The following TP63 variants were observed in gnomAD, a reference collection of about 807,000 sequenced individuals.
TP63 encodes the protein tumor protein p63.
TP63 carries 17 observed loss-of-function variants against 82.8 expected under a neutral mutation model. The ratio of observed to expected loss-of-function variants is 0.21; its 90% CI spans 0.14 to 0.31. TP63 has a LOEUF of 0.31. Ranked by LOEUF, TP63 falls within the 10% of genes least tolerant of loss-of-function variation. TP63 has a pLI of 1.00. For synonymous variants in TP63, 330 were observed against 321.7 expected (o/e 1.03, Z -0.28); for missense variants, 648 against 895.3 (o/e 0.72, Z 3.52).
rs905674336 is a variant in TP63 at position 189,791,017 on chromosome 3, G to A, written c.325-17255G>A. Among the ~76,000 whole-genome samples the A allele has an allele frequency of 3.3e-5, 5 of 152,112 alleles. No individual in the cohort carries two copies. The South Asian group carries it at 1.0e-3, about 32-fold the overall frequency. ...GCCTATTTTTCTTTAAAACATTCAA[G>A]CAGGCTTGCTTGTCCTCAGTAGAGA... On this transcript the variant is annotated intron_variant, in intron 3 of 13. Coordinates refer to ENST00000264731, the MANE Select transcript of TP63 (RefSeq NM_003722.5).
chr3:189,734,166 C>CCCTCCCTT (rs1560143814), intron 1 of TP63, among the ~76,000 whole-genome samples: 1 of 117,860 alleles, frequency 8.5e-6, no homozygotes, highest in African/African-American at 3.3e-5. Context: ...CTCCCTCCCT[C>CCCTCCCTT]CCTTCTTTTT....
Position 189,894,998 on chromosome 3 carries a change from T to C in TP63, c.*496T>C, listed in dbSNP as rs1025987436. On this transcript the variant is annotated 3_prime_UTR_variant, in exon 14 of 14. Transcript: ENST00000264731. ...ATACTCCTTCCCTTAAGGGGTATCA[T>C]GTATGGTGATAGGTATCTAGAGCTT... 2 of 220,776 alleles carry C rather than the reference T, an allele frequency of 9.1e-6. No individual in the cohort carries two copies. The highest frequency in any genetic ancestry group is 1.8e-5 in the Non-Finnish European group (2 of 109,634). 13.7% of individuals were successfully genotyped at this position (220,776 alleles called of 1,614,324 possible). A position where few individuals can be genotyped will look rare whatever the true frequency, so the allele number is the denominator to read the frequency against.
the TP63 span, among the ~76,000 whole-genome samples, chr3:189,597,654 G>GGAGTTGTTCGTTCC: frequency 6.6e-6 from 1 of 152,204 alleles, no homozygotes; most frequent in Non-Finnish European, 1.5e-5. Flanking sequence ...GCCTGGTGCG[G>GGAGTTGTTCGTTCC]TGGCTCATGC....
chr3:189,665,992 G>A (rs553682611), intron 1 of TP63, among the ~76,000 whole-genome samples: 27 of 151,782 alleles, frequency 1.8e-4, no homozygotes, highest in Non-Finnish European at 3.8e-4. Context: ...GTATAATAAT[G>A]GGTACTGATG....
At chr3:189,693,412 G>T (rs1717100845) in intron 1 of TP63, among the ~76,000 whole-genome samples, 4 of 152,170 alleles carry the variant, frequency 2.6e-5, no homozygotes, top group South Asian at 4.1e-4. Context: ...CAAGGGAGAA[G>T]AGAACAAGGT....
intron 3 of TP63, among the ~76,000 whole-genome samples, chr3:189,740,082 A>T (rs1203628754): frequency 6.6e-6 from 1 of 152,200 alleles, no homozygotes; most frequent in Non-Finnish European, 1.5e-5. Flanking sequence ...ATAACTCTGC[A>T]GATACATAGA....
chr3:189,611,623 C>G, the TP63 span, among the ~76,000 whole-genome samples: 2 of 151,958 alleles, frequency 1.3e-5, no homozygotes, highest in African/African-American at 4.8e-5. Context: ...TATTTGGGCT[C>G]TTGTTTGAAT....
At chr3:189,741,216 A>C (rs372589951) in intron 3 of TP63, among the ~76,000 whole-genome samples, 1 of 135,894 alleles carries the variant, frequency 7.4e-6, no homozygotes, top group Non-Finnish European at 1.6e-5. Context: ...AAAAAAAAAA[A>C]ACCCTGAGAT....
intron 10 of TP63, among the ~76,000 whole-genome samples, chr3:189,874,641 G>A (rs1361550345): frequency 6.6e-6 from 1 of 152,098 alleles, no homozygotes; most frequent in Non-Finnish European, 1.5e-5. Context: ...GTATTCTGAA[G>A]GAGAATTAGA....
At chr3:189,695,791 A>G (rs182668496) in intron 1 of TP63, among the ~76,000 whole-genome samples, 10 of 152,334 alleles carry the variant, frequency 6.6e-5, no homozygotes, top group Admixed American at 6.5e-4. Flanking sequence ...ATCACAGTGT[A>G]CATATATAGT....
At chr3:189,693,877 G>A (rs1185576127) in intron 1 of TP63, among the ~76,000 whole-genome samples, 3 of 152,156 alleles carry the variant, frequency 2.0e-5, no homozygotes, top group Non-Finnish European at 4.4e-5. Context: ...CGTTGTGAAG[G>A]TTCAGTGAGT....
chr3:189,748,697 A>G (rs1168171397), intron 3 of TP63, among the ~76,000 whole-genome samples: 4 of 151,956 alleles, frequency 2.6e-5, no homozygotes, highest in Non-Finnish European at 5.9e-5. Context: ...TAAAAATCAT[A>G]TGGAATAAAA....
intron 1 of TP63, 64 bp from the exon 2 acceptor site, chr3:189,737,676 A>G: frequency 6.4e-7 from 1 of 1,563,088 alleles, no homozygotes; most frequent in Non-Finnish European, 8.8e-7. Flanking sequence ...GTATGCTTTA[A>G]TTTAAATATT....
At chr3:189,754,307 A>G (rs1162718262) in intron 3 of TP63, among the ~76,000 whole-genome samples, 2 of 152,204 alleles carry the variant, frequency 1.3e-5, no homozygotes, top group African/African-American at 2.4e-5. Flanking sequence ...ATCTGCATGC[A>G]TGTGCATGTA....
chr3:189,773,221 A>G (rs1333049023), intron 3 of TP63, among the ~76,000 whole-genome samples: 2 of 152,352 alleles, frequency 1.3e-5, no homozygotes, highest in Non-Finnish European at 2.9e-5. Context: ...CAAGTAAGGC[A>G]TTTACTGTAT....
At chr3:189,652,688 A>G in intron 1 of TP63, among the ~76,000 whole-genome samples, 1 of 146,868 alleles carries the variant, frequency 6.8e-6, no homozygotes. Flanking sequence ...CTCAAATGTC[A>G]TCTTGAATTT....
chr3:189,740,350 G>A (rs1252817022), intron 3 of TP63, among the ~76,000 whole-genome samples: 1 of 152,122 alleles, frequency 6.6e-6, no homozygotes, highest in Non-Finnish European at 1.5e-5. Flanking sequence ...GATAGGATCT[G>A]CCTAGGAAAA....
intron 9 of TP63, among the ~76,000 whole-genome samples, chr3:189,872,400 A>AACACAC (rs60097753): frequency 2.6e-4 from 38 of 147,116 alleles, no homozygotes; most frequent in South Asian, 1.5e-3. Context: ...AAGTTTCTCT[A>AACACAC]ACACACACAC....
intron 1 of TP63, among the ~76,000 whole-genome samples, chr3:189,728,306 A>G (rs1719916562): frequency 6.6e-6 from 1 of 152,260 alleles, no homozygotes; most frequent in Non-Finnish European, 1.5e-5. Flanking sequence ...TAGTTGAGGC[A>G]ACAGACCTAC....
Sources: allele counts gnomAD v4.1 joint callset (sites outside exome capture counted in the v4.1 genomes callset), GRCh38; gene constraint gnomAD v4.1.1; transcripts MANE v1.5; gene names NCBI Gene and HGNC (gene_info 2026-07-23, HGNC 2026-07-21).